The following FHIT variants were observed in gnomAD, a reference collection of about 807,000 sequenced individuals.
The protein encoded by FHIT is fragile histidine triad diadenosine triphosphatase.
A neutral mutation model predicts 17.9 loss-of-function variants in FHIT; 19 were observed. The observed-to-expected ratio is 1.06, with a 90% confidence interval of 0.74 to 1.56. The LOEUF is 1.56. Among genes scored for constraint, FHIT ranks in the 40% most tolerant of loss-of-function variants. The pLI is 0.00. For missense variants in FHIT, 248 were observed against 189.2 expected, an observed-to-expected ratio of 1.31 and a Z score of -1.82; for synonymous variants, 81 against 69.7, an observed-to-expected ratio of 1.16 and a Z score of -0.81.
At chr3:60,644,263 T>A (rs1486545665) in intron 4 of FHIT, among the ~76,000 whole-genome samples, 1 of 152,232 alleles carries the variant, frequency 6.6e-6, no homozygotes, top group Non-Finnish European at 1.5e-5. Flanking sequence ...TTTTTCTTCA[T>A]AGGTGTTTGC....
chr3:60,856,488 G>A (rs1464988455), intron 3 of FHIT: 7 of 152,128 alleles, frequency 4.6e-5, no homozygotes, highest in Admixed American at 3.3e-4. Context: ...CACCAAGAAC[G>A]AGCTTCGTGC....
rs554417974 is a variant in FHIT at position 60,499,189 on chromosome 3, G to A, written c.103+37671C>T. On this transcript the variant is annotated intron_variant, in intron 5 of 9. Coordinates refer to ENST00000492590, the MANE Select transcript of FHIT (RefSeq NM_002012.4). ...GGCTGGGGGATGGTGAATATAGCAA[G>A]GTATGATGTGGGCATACTTAAATGA... Among the ~76,000 whole-genome samples the A allele has an allele frequency of 1.4e-4, 22 of 152,208 alleles. No individual in the cohort carries two copies. The East Asian group carries it at 4.3e-3, about 29-fold the overall frequency.
chr3:59,904,633 T>G lies in FHIT; in HGVS notation c.348+17713A>C, dbSNP rs188194472. Among the ~76,000 whole-genome samples the G allele has an allele frequency of 1.0e-3, 155 of 152,294 alleles. 2 individuals are homozygous for G. The highest frequency in any genetic ancestry group is 2.0e-3 in the Admixed American group (30 of 15,300). ...TGGTGTGCTCCAGCTTCTTGTGTTA[T>G]AGCTTGTACCCGTGTTTGGTGGTTC... On this transcript the variant is annotated intron_variant, in intron 8 of 9. Transcript: ENST00000492590.
chr3:61,021,703 G>A lies in FHIT; in HGVS notation c.-111+20344C>T, dbSNP rs528589228. On this transcript the variant is annotated intron_variant, in intron 3 of 9. Coordinates refer to ENST00000492590, the MANE Select transcript of FHIT (RefSeq NM_002012.4). Reference sequence around the variant, plus strand: ...AGGATTAAGAAACTCCCTAAAAACCGCACAACTACATGGAAACTGAACAAT... The same window carrying A: ...AGGATTAAGAAACTCCCTAAAAACCACACAACTACATGGAAACTGAACAAT... Among the ~76,000 whole-genome samples the A allele has an allele frequency of 2.8e-4, 42 of 151,044 alleles. No individual in the cohort carries two copies. In the South Asian group the frequency reaches 3.8e-3, roughly 14 times the overall value.
At chr3:60,378,188 G>T (rs888678978) in intron 5 of FHIT, among the ~76,000 whole-genome samples, 13 of 151,366 alleles carry the variant, frequency 8.6e-5, no homozygotes, top group African/African-American at 3.2e-4. Context: ...CACTATGCCC[G>T]GCTAATTTTT....
At chr3:60,509,025 T>G (rs2034843014) in intron 5 of FHIT, among the ~76,000 whole-genome samples, 1 of 152,158 alleles carries the variant, frequency 6.6e-6, no homozygotes, top group Non-Finnish European at 1.5e-5. Flanking sequence ...CCAGCTAAGC[T>G]TCTCTTCCTA....
intron 2 of FHIT, among the ~76,000 whole-genome samples, chr3:61,188,191 T>C (rs989203148): frequency 6.6e-6 from 1 of 151,986 alleles, no homozygotes; most frequent in Non-Finnish European, 1.5e-5. Flanking sequence ...CTAGCAAGAC[T>C]AATAAAGAAG....
chr3:60,916,040 T>C (rs60414361), intron 3 of FHIT, among the ~76,000 whole-genome samples: 14,873 of 152,178 alleles, frequency 0.098, 1,008 homozygotes, highest in East Asian at 0.22. Context: ...TTCTAACCCA[T>C]TTTTCACTTA....
chr3:60,222,661 T>G (rs377057169), intron 5 of FHIT, among the ~76,000 whole-genome samples: 62 of 152,220 alleles, frequency 4.1e-4, no homozygotes, highest in African/African-American at 1.3e-3. Context: ...AAAATATTAT[T>G]TTAAATAACA....
rs116787083 is a variant in FHIT at position 60,535,833 on chromosome 3, T to C, written c.103+1027A>G. 543 of 150,292 alleles carry C rather than the reference T, an allele frequency of 3.6e-3. 6 individuals are homozygous for C. The highest frequency in any genetic ancestry group is 0.013 in the African/African-American group (514 of 40,790). The allele number at this position is 150,292 out of a possible 1,614,324, so 9.3% of individuals were successfully genotyped here. On this transcript the variant is annotated intron_variant, in intron 5 of 9. Coordinates refer to ENST00000492590, the MANE Select transcript of FHIT (RefSeq NM_002012.4). Reference sequence around the variant, plus strand: ...TATTTTTTTTTTTTTTAGCATACAATAGTTACGTGGCTAGAAAAGAAGCTT... The same window carrying C: ...TATTTTTTTTTTTTTTAGCATACAACAGTTACGTGGCTAGAAAAGAAGCTT...
chr3:60,602,514 GA>G (rs71092619), intron 4 of FHIT, among the ~76,000 whole-genome samples: 1 of 151,498 alleles, frequency 6.6e-6, no homozygotes, highest in African/African-American at 2.4e-5. Context: ...TTCTTGGAGA[GA>G]AAAAAAATTG....
chr3:60,604,810 CTG>C (rs1481428157), intron 4 of FHIT, among the ~76,000 whole-genome samples: 1 of 152,128 alleles, frequency 6.6e-6, no homozygotes, highest in Non-Finnish European at 1.5e-5. Flanking sequence ...AGTGGGCAAA[CTG>C]AGAGAAAGCA....
chr3:60,381,234 T>C (rs1700787005), intron 5 of FHIT, among the ~76,000 whole-genome samples: 1 of 152,126 alleles, frequency 6.6e-6, no homozygotes, highest in Non-Finnish European at 1.5e-5. Flanking sequence ...TCCCAGCACT[T>C]TGGGAGGCTG....
intron 8 of FHIT, among the ~76,000 whole-genome samples, chr3:59,763,508 C>A (rs9847591): frequency 0.13 from 19,261 of 152,262 alleles, 1,288 homozygotes; most frequent in South Asian, 0.24. Context: ...TGTTTCTCTG[C>A]AGAATTCATT....
At chr3:60,409,436 C>T (rs1044140406) in intron 5 of FHIT, among the ~76,000 whole-genome samples, 1 of 152,144 alleles carries the variant, frequency 6.6e-6, no homozygotes, top group African/African-American at 2.4e-5. Flanking sequence ...CCAGAGCTGG[C>T]AATGATCTAT....
chr3:60,742,696 C>T (rs2042263211), intron 4 of FHIT, among the ~76,000 whole-genome samples: 1 of 152,206 alleles, frequency 6.6e-6, no homozygotes, highest in Non-Finnish European at 1.5e-5. Context: ...TGAGTCACCA[C>T]TTTTGCATTT....
At chr3:60,405,316 C>A (rs11928100) in intron 5 of FHIT, among the ~76,000 whole-genome samples, 4,300 of 152,186 alleles carry the variant, frequency 0.028, 105 homozygotes, top group African/African-American at 0.067. Context: ...TCACTTTAAC[C>A]TTTTTTGCTT....
intron 2 of FHIT, among the ~76,000 whole-genome samples, chr3:61,190,968 T>C (rs1473682135): frequency 1.3e-5 from 2 of 148,794 alleles, no homozygotes; most frequent in Non-Finnish European, 3.0e-5. Context: ...CATTAGGAGA[T>C]ACACCTAATG....
At position 61,092,502 on chromosome 3, in the gene FHIT, A is replaced by AATAT. The variant is rs111254876; in HGVS notation, c.-163-50407_-163-50404dup. On this transcript the variant is annotated intron_variant, in intron 2 of 9. Coordinates refer to ENST00000492590, the MANE Select transcript of FHIT (RefSeq NM_002012.4). ...CTCTAAAGTATATATGTCCCTTAAA[A>AATAT]ATATATATATATATATACTGCTTGC... Among the ~76,000 whole-genome samples the AATAT allele has an allele frequency of 1.4e-3, 203 of 149,478 alleles. 3 individuals carry two copies. Among genetic ancestry groups the AATAT allele is most frequent in the South Asian group, 0.01 (48 of 4,776 alleles).
Sources: gnomAD v4.1 joint callset for allele counts (sites outside exome capture counted in the v4.1 genomes callset) on GRCh38, gnomAD v4.1.1 for gene constraint, MANE v1.5 for transcripts, NCBI Gene and HGNC (gene_info 2026-07-23, HGNC 2026-07-21) for gene names.